Variants in AGTPBP1 observed in about 807,000 individuals in gnomAD.
The protein encoded by AGTPBP1 is ATP/GTP binding carboxypeptidase 1.
AGTPBP1 carries 70 observed loss-of-function variants against 143.9 expected under a neutral mutation model. The ratio of observed to expected loss-of-function variants is 0.49; its 90% confidence interval spans 0.40 to 0.59. The LOEUF is 0.59. AGTPBP1 is among the 20% of genes least tolerant of loss of function. The pLI is 0.00. For synonymous variants in AGTPBP1, 463 were observed against 500.2 expected (o/e 0.93, Z 0.99); for missense variants, 1,229 against 1,464.5 (o/e 0.84, Z 2.62).
At chr9:85,555,916 A>G (rs774474067) in intron 25 of AGTPBP1, among the ~76,000 whole-genome samples, 13 of 152,368 alleles carry the variant, frequency 8.5e-5, no homozygotes, top group Admixed American at 2.6e-4. Context: ...TAACTAAAAC[A>G]TTAATAATGT....
intron 1 of AGTPBP1, among the ~76,000 whole-genome samples, chr9:85,719,220 G>C (rs1273528680): frequency 1.3e-5 from 2 of 152,186 alleles, no homozygotes; most frequent in African/African-American, 4.8e-5. Flanking sequence ...TCGGTAGCTT[G>C]ATGGGGATGG....
chr9:85,731,521 A>G (rs1423147047), intron 1 of AGTPBP1, among the ~76,000 whole-genome samples: 1 of 152,052 alleles, frequency 6.6e-6, no homozygotes, highest in Admixed American at 6.6e-5. Flanking sequence ...GTACAGTGGC[A>G]CAAACAAGGC....
chr9:85,770,451 T>C, the AGTPBP1 span: 5 of 1,589,174 alleles, frequency 3.1e-6, no homozygotes, highest in Non-Finnish European at 4.3e-6. Context: ...GCCTGAGTCC[T>C]GTTGAGATTA....
intron 11 of AGTPBP1, among the ~76,000 whole-genome samples, chr9:85,651,816 G>C (rs370911316): frequency 6.6e-6 from 1 of 152,144 alleles, no homozygotes; most frequent in Admixed American, 6.5e-5. Context: ...AGGCCAGCTC[G>C]ATTCATTTAT....
intron 17 of AGTPBP1, among the ~76,000 whole-genome samples, chr9:85,617,823 C>CA (rs1016901083): frequency 3.3e-5 from 5 of 152,130 alleles, no homozygotes; most frequent in Admixed American, 6.5e-5. Context: ...GAGAATACCA[C>CA]AAACAACCCT....
intron 1 of AGTPBP1, among the ~76,000 whole-genome samples, chr9:85,733,128 A>G (rs1158587765): frequency 6.6e-6 from 1 of 152,196 alleles, no homozygotes; most frequent in East Asian, 1.9e-4. Context: ...CAATGAATCA[A>G]CTAGATCTAA....
At chr9:85,655,402 T>C in intron 10 of AGTPBP1, 82 bp from the exon 11 acceptor site, 1 of 1,161,362 alleles carries the variant, frequency 8.6e-7, no homozygotes, top group Non-Finnish European at 1.2e-6. Flanking sequence ...AAAAGTGTCA[T>C]ACATTAATAA....
chr9:85,639,363 A>ACGCG (rs71505760), intron 13 of AGTPBP1, among the ~76,000 whole-genome samples: 92 of 133,354 alleles, frequency 6.9e-4, no homozygotes, highest in Middle Eastern at 3.9e-3. Flanking sequence ...ATGCGCGCGC[A>ACGCG]CGCGCACACA....
intron 12 of AGTPBP1, among the ~76,000 whole-genome samples, chr9:85,644,061 G>A (rs970563317): frequency 2.6e-5 from 4 of 151,502 alleles, no homozygotes; most frequent in Non-Finnish European, 5.9e-5. Context: ...TTAACTACTA[G>A]TTTAAAAGAA....
chr9:85,619,508 T>C (rs1168051562), intron 15 of AGTPBP1, among the ~76,000 whole-genome samples: 1 of 152,190 alleles, frequency 6.6e-6, no homozygotes, highest in Non-Finnish European at 1.5e-5. Flanking sequence ...AGATTTATTC[T>C]TATGTTTATA....
intron 25 of AGTPBP1, among the ~76,000 whole-genome samples, chr9:85,549,398 T>A (rs117947442): frequency 0.035 from 5,326 of 152,126 alleles, 120 homozygotes; most frequent in Non-Finnish European, 0.05. Context: ...GTTCAAGAGA[T>A]CTATGGACAG....
At chr9:85,713,819 T>A (rs959279718) in intron 1 of AGTPBP1, among the ~76,000 whole-genome samples, 2 of 152,222 alleles carry the variant, frequency 1.3e-5, no homozygotes, top group East Asian at 3.8e-4. Flanking sequence ...GTTTTTAAAG[T>A]CAATGAGAAA....
chr9:85,579,415 T>C (rs532026052), intron 23 of AGTPBP1, among the ~76,000 whole-genome samples: 11 of 152,224 alleles, frequency 7.2e-5, no homozygotes, highest in African/African-American at 2.6e-4. Context: ...TGAAATTTAG[T>C]CATAAAAGAC....
intron 8 of AGTPBP1, among the ~76,000 whole-genome samples, chr9:85,661,185 T>C (rs1240660128): frequency 1.3e-5 from 2 of 151,900 alleles, no homozygotes; most frequent in African/African-American, 4.8e-5. Context: ...TATCAATAGA[T>C]AGGAACAAAA....
At chr9:85,754,822 T>C in the AGTPBP1 span, among the ~76,000 whole-genome samples, 1 of 152,142 alleles carries the variant, frequency 6.6e-6, no homozygotes, top group Non-Finnish European at 1.5e-5. Flanking sequence ...TCATCACCAG[T>C]TGTAATTTTT....
the AGTPBP1 span, among the ~76,000 whole-genome samples, chr9:85,801,860 A>C: frequency 6.6e-6 from 1 of 152,088 alleles, no homozygotes; most frequent in Non-Finnish European, 1.5e-5. Context: ...GGCTGCTATC[A>C]CTCTCTCCAA....
chr9:85,741,926 CGGCGGCGGCGCTGGA>C lies in AGTPBP1; in HGVS notation c.-200_-186del, dbSNP rs754936335. On this transcript the variant is annotated 5_prime_UTR_variant, in exon 1 of 26. Transcript: ENST00000357081. ...GCGGAGGCGGCGGCGGCGGCAGCTG[CGGCGGCGGCGCTGGA>C]GGCGGCGGAACCTGTCCGCATCCCG... The C allele has an allele frequency of 3.8e-6, 5 of 1,315,156 alleles. No individual in the cohort carries two copies. The South Asian group carries it at 6.3e-5, about 17-fold the overall frequency. 81.5% of individuals were successfully genotyped at this position (1,315,156 alleles called of 1,614,324 possible). A position where few individuals can be genotyped will look rare whatever the true frequency, so the allele number is the denominator to read the frequency against.
intron 25 of AGTPBP1, among the ~76,000 whole-genome samples, chr9:85,549,628 G>A (rs988788332): frequency 3.9e-5 from 6 of 152,200 alleles, no homozygotes; most frequent in African/African-American, 1.4e-4. Context: ...AATGAGAGAA[G>A]TATGATTTAG....
chr9:85,758,120 T>C, the AGTPBP1 span, among the ~76,000 whole-genome samples: 2 of 152,194 alleles, frequency 1.3e-5, no homozygotes, highest in Non-Finnish European at 2.9e-5. Flanking sequence ...ACCACAAATC[T>C]TATCTGCTTT....
Sources: gnomAD v4.1 joint callset for allele counts (sites outside exome capture counted in the v4.1 genomes callset) on GRCh38, gnomAD v4.1.1 for gene constraint, MANE v1.5 for transcripts, NCBI Gene and HGNC (gene_info 2026-07-23, HGNC 2026-07-21) for gene names.